The following PIK3CB variants were observed in gnomAD, a reference collection of about 807,000 sequenced individuals.
The protein encoded by PIK3CB is phosphatidylinositol 4,5-bisphosphate 3-kinase catalytic subunit beta isoform.
Under a neutral mutation model 136.8 loss-of-function variants are expected in PIK3CB, and 39 were observed. That is an observed-to-expected ratio of 0.29 (90% confidence interval 0.22 to 0.37). The LOEUF (loss-of-function observed/expected upper bound fraction) is 0.37. PIK3CB is among the 10% of genes least tolerant of loss of function. The pLI is 1.00. For missense variants in PIK3CB, 868 were observed against 1,275.4 expected, an observed-to-expected ratio of 0.68 and a Z score of 4.87; for synonymous variants, 428 against 436.6, an observed-to-expected ratio of 0.98 and a Z score of 0.25.
chr3:138,707,177 A>G lies in PIK3CB; in HGVS notation c.1512T>C (p.Tyr504=). 6.3e-7 allele frequency: 1 copy of G among 1,594,362 alleles called. No homozygotes were observed. The highest frequency in any genetic ancestry group is 8.6e-7 in the Non-Finnish European group (1 of 1,163,480). Residue 504 remains tyrosine, a synonymous_variant, in exon 11 of 24, where the codon TAT becomes TAC. Coordinates refer to ENST00000674063, the MANE Select transcript of PIK3CB (RefSeq NM_006219.3). ...AGCTTACCTTATCGAAGGGAGGGTAATAATAAGGTTGTTTTTTATTCTCTG... is the reference window on the plus strand; with the variant it reads ...AGCTTACCTTATCGAAGGGAGGGTAGTAATAAGGTTGTTTTTTATTCTCTG... The part of the protein sequence containing the change: ...KFPENKKQPY[Y]YPPFDKIIEK...
intron 7 of PIK3CB, 25 bp from the exon 8 acceptor site, chr3:138,733,463 A>C (rs1373658542): frequency 8.8e-7 from 1 of 1,133,638 alleles, no homozygotes; most frequent in Admixed American, 1.8e-5. Flanking sequence ...AATAAATACA[A>C]ATTATTTTAA....
chr3:138,746,870 A>C (rs184428904), intron 4 of PIK3CB, among the ~76,000 whole-genome samples: 57 of 150,320 alleles, frequency 3.8e-4, no homozygotes, highest in African/African-American at 1.4e-3. Flanking sequence ...CTGCATTTTT[A>C]CTCTGAGATA....
chr3:138,829,133 TCAAA>T (rs1429128399), intron 1 of PIK3CB, among the ~76,000 whole-genome samples: 1 of 151,534 alleles, frequency 6.6e-6, no homozygotes, highest in African/African-American at 2.4e-5. Context: ...TTTTTAGCAC[TCAAA>T]CAGATTATGA....
chr3:138,662,390 C>A (rs1344929775), intron 21 of PIK3CB, among the ~76,000 whole-genome samples: 2 of 150,452 alleles, frequency 1.3e-5, no homozygotes, highest in African/African-American at 2.5e-5. Context: ...TGATAGTTTA[C>A]TGAGAATGAT....
rs2043951108 is a variant in PIK3CB, at chr3:138,688,896, G to A, written c.2115C>T (p.His705=). 1.9e-6 allele frequency: 3 copies of A among 1,612,320 alleles called. No individual in the cohort carries two copies. Among genetic ancestry groups the A allele is most frequent in the Non-Finnish European group, 2.5e-6 (3 of 1,178,406 alleles). Residue 705 remains histidine, a synonymous_variant, in exon 16 of 24, where the codon CAC becomes CAT. Coordinates refer to ENST00000674063, the MANE Select transcript of PIK3CB (RefSeq NM_006219.3). ...LEAYCRGSVG[H]MKVLSKQVEA... ...ATACCTGCTTAGAAAGCACTTTCATGTGCCCCACACTTCCCCGGCAGTATG... is the reference window on the plus strand; with the variant it reads ...ATACCTGCTTAGAAAGCACTTTCATATGCCCCACACTTCCCCGGCAGTATG...
chr3:138,788,997 AAAC>A (rs2046018209), intron 2 of PIK3CB, among the ~76,000 whole-genome samples: 1 of 150,192 alleles, frequency 6.7e-6, no homozygotes, highest in African/African-American at 2.5e-5. Flanking sequence ...AAAAAACAAA[AAAC>A]AACACCACAG....
chr3:138,700,947 CTTTA>C (rs1192917526), intron 12 of PIK3CB, among the ~76,000 whole-genome samples: 1 of 152,002 alleles, frequency 6.6e-6, no homozygotes. Context: ...CCCACAAAAC[CTTTA>C]TTTATTAACT....
In PIK3CB at chr3:138,706,720, C is replaced by T. The variant is rs567666165; in HGVS notation, c.1530+439G>A. On this transcript the variant is annotated intron_variant, in intron 11 of 23. Transcript: ENST00000674063. ...TTGCCCAGGCTGGAGTGCAATGGCA[C>T]GATCTTGGCTCACTGCAACCTCCGC... Among the ~76,000 whole-genome samples the T allele has an allele frequency of 1.6e-3, 251 of 152,214 alleles. 2 individuals carry two copies. Among genetic ancestry groups the T allele is most frequent in the African/African-American group, 5.4e-3 (224 of 41,542 alleles).
intron 2 of PIK3CB, among the ~76,000 whole-genome samples, chr3:138,763,290 CA>C (rs2045687851): frequency 6.6e-6 from 1 of 152,130 alleles, no homozygotes; most frequent in African/African-American, 2.4e-5. Context: ...AGGCACACAC[CA>C]TCATGCCCGG....
rs184982648 is a variant in PIK3CB, at chr3:138,809,900, A to G, written c.-121-13333T>C. On this transcript the variant is annotated intron_variant, in intron 1 of 23. Transcript: ENST00000674063. Reference sequence around the variant, plus strand: ...CTCTTAGTTTCTAACACTGTTCTCCAATAAAAGGGACCAGTTCCCTTGGAG... The same window carrying G: ...CTCTTAGTTTCTAACACTGTTCTCCGATAAAAGGGACCAGTTCCCTTGGAG... Among the ~76,000 whole-genome samples the G allele has an allele frequency of 9.2e-5, 14 of 152,296 alleles. No homozygotes were observed. The East Asian group carries it at 2.5e-3, about 27-fold the overall frequency.
intron 1 of PIK3CB, among the ~76,000 whole-genome samples, chr3:138,808,326 G>A (rs1400813157): frequency 6.6e-6 from 1 of 152,070 alleles, no homozygotes; most frequent in East Asian, 1.9e-4. Context: ...CATGTAATAT[G>A]TAAACCTATA....
At chr3:138,820,949 T>C (rs936737463) in intron 1 of PIK3CB, among the ~76,000 whole-genome samples, 31 of 152,160 alleles carry the variant, frequency 2.0e-4, no homozygotes, top group African/African-American at 7.5e-4. Flanking sequence ...CCATACATGA[T>C]TTTCCACACA....
intron 2 of PIK3CB, chr3:138,778,171 G>T: frequency 2.2e-6 from 1 of 451,372 alleles, no homozygotes; most frequent in South Asian, 1.6e-5. Flanking sequence ...AGGAGAAACC[G>T]AAAGGGTCAT....
intron 1 of PIK3CB, among the ~76,000 whole-genome samples, chr3:138,808,010 C>T (rs1157919788): frequency 7.9e-5 from 12 of 151,964 alleles, no homozygotes; most frequent in African/African-American, 2.9e-4. Flanking sequence ...TTAAGCACTA[C>T]ACCACATGTT....
intron 4 of PIK3CB, among the ~76,000 whole-genome samples, chr3:138,746,747 G>A (rs2045362086): frequency 6.6e-6 from 1 of 151,514 alleles, no homozygotes; most frequent in African/African-American, 2.4e-5. Context: ...AAATTCTCCT[G>A]TACTAGATCC....
chr3:138,736,602 G>A (rs1157547585), intron 6 of PIK3CB, among the ~76,000 whole-genome samples: 2 of 152,134 alleles, frequency 1.3e-5, no homozygotes, highest in African/African-American at 4.8e-5. Context: ...CAAAGCCAAG[G>A]ACCTAGTCTT....
chr3:138,767,693 C>G lies in PIK3CB; in HGVS notation c.-16-8334G>C, dbSNP rs114976425. 3.8e-3 allele frequency among the ~76,000 whole-genome samples: 575 copies of G among 152,294 alleles called. 5 individuals are homozygous for G. Among genetic ancestry groups the G allele is most frequent in the African/African-American group, 0.013 (552 of 41,550 alleles). ...CAGTCAGACTTGCCAGCTGCTGCAG[C>G]AGGGCAGGCAGCTCCAGGTGCCAGT... On this transcript the variant is annotated intron_variant, in intron 2 of 23. Coordinates refer to ENST00000674063, the MANE Select transcript of PIK3CB (RefSeq NM_006219.3).
At chr3:138,681,901 G>T in intron 19 of PIK3CB, 66 bp downstream of exon 19, 1 of 911,972 alleles carries the variant, frequency 1.1e-6, no homozygotes, top group Non-Finnish European at 1.7e-6. Context: ...GAATTAACAA[G>T]AAATTCTAGA....
At chr3:138,827,822 A>T (rs1020741362) in intron 1 of PIK3CB, among the ~76,000 whole-genome samples, 1 of 149,336 alleles carries the variant, frequency 6.7e-6, no homozygotes, top group Non-Finnish European at 1.5e-5. Flanking sequence ...TACTAAAAAA[A>T]TACAAAAAAA....
Sources: allele counts gnomAD v4.1 joint callset (sites outside exome capture counted in the v4.1 genomes callset), GRCh38; gene constraint gnomAD v4.1.1; transcripts MANE v1.5; gene names NCBI Gene and HGNC (gene_info 2026-07-23, HGNC 2026-07-21).